Variants in FNBP1L observed in about 807,000 individuals in gnomAD.
FNBP1L encodes the protein formin-binding protein 1-like.
Under a neutral mutation model 91.2 loss-of-function variants are expected in FNBP1L, and 36 were observed. The ratio of observed to expected loss-of-function variants is 0.39; its 90% CI spans 0.30 to 0.52. The LOEUF (loss-of-function observed/expected upper bound fraction) is 0.52, where lower values mean the gene tolerates loss of function less well. FNBP1L is among the 20% of genes least tolerant of loss of function. The pLI, the probability that FNBP1L is intolerant of heterozygous loss-of-function variation, is 0.66. For synonymous variants in FNBP1L, 242 were observed against 237.0 expected, an observed-to-expected ratio of 1.02 and a Z score of -0.19; for missense variants, 571 against 732.1, an observed-to-expected ratio of 0.78 and a Z score of 2.54.
intron 6 of FNBP1L, among the ~76,000 whole-genome samples, 195 bp from the exon 7 acceptor site, chr1:93,530,560 G>C (rs1235235172): frequency 6.6e-6 from 1 of 151,846 alleles, no homozygotes; most frequent in African/African-American, 2.4e-5. Flanking sequence ...CTGACAGTAA[G>C]ATCTGCAGGT....
chr1:93,506,060 A>C (rs1407498913), intron 2 of FNBP1L, among the ~76,000 whole-genome samples: 1 of 152,156 alleles, frequency 6.6e-6, no homozygotes. Context: ...AAGTGATGGA[A>C]CTCCAGCTTG....
intron 1 of FNBP1L, among the ~76,000 whole-genome samples, chr1:93,484,374 A>G (rs968276140): frequency 6.6e-6 from 1 of 152,236 alleles, no homozygotes; most frequent in Non-Finnish European, 1.5e-5. Context: ...AGAAAGGGAA[A>G]AGGGGAAAAC....
chr1:93,520,871 A>C (rs530897056), intron 2 of FNBP1L, among the ~76,000 whole-genome samples: 2 of 152,036 alleles, frequency 1.3e-5, no homozygotes, highest in African/African-American at 4.8e-5. Flanking sequence ...GTGAAACCCT[A>C]TCTCTACTAA....
chr1:93,514,538 C>G (rs564480798), intron 2 of FNBP1L, among the ~76,000 whole-genome samples: 48 of 152,202 alleles, frequency 3.2e-4, no homozygotes, highest in Middle Eastern at 6.8e-3. Context: ...CTACAGTAAC[C>G]AAAACAGCAT....
chr1:93,535,690 C>A (rs1671824486), intron 9 of FNBP1L, among the ~76,000 whole-genome samples: 2 of 151,746 alleles, frequency 1.3e-5, no homozygotes, highest in Non-Finnish European at 2.9e-5. Flanking sequence ...TTTAAAAGCA[C>A]AATTATAATT....
chr1:93,517,382 G>C (rs1671165131), intron 2 of FNBP1L, among the ~76,000 whole-genome samples: 1 of 152,004 alleles, frequency 6.6e-6, no homozygotes, highest in African/African-American at 2.4e-5. Context: ...CTGGAGTGCA[G>C]TGGCAACGAT....
At chr1:93,474,231 A>C (rs1387945067) in intron 1 of FNBP1L, among the ~76,000 whole-genome samples, 1 of 152,088 alleles carries the variant, frequency 6.6e-6, no homozygotes, top group East Asian at 1.9e-4. Context: ...TGACAAAGTG[A>C]GACTCCGTCT....
intron 3 of FNBP1L, 118 bp downstream of exon 3, chr1:93,522,253 AAATT>A (rs1476728764): frequency 3.5e-5 from 15 of 428,468 alleles, no homozygotes; most frequent in Non-Finnish European, 4.8e-5. Context: ...TTTAATTTAA[AAATT>A]AATGTTTATG....
chr1:93,454,168 A>T (rs1668581999), intron 1 of FNBP1L, among the ~76,000 whole-genome samples: 1 of 152,172 alleles, frequency 6.6e-6, no homozygotes, highest in African/African-American at 2.4e-5. Context: ...TAGGGTCTTT[A>T]ATAAATGTTT....
intron 7 of FNBP1L, among the ~76,000 whole-genome samples, chr1:93,532,358 T>C (rs935819324): frequency 6.6e-6 from 1 of 151,594 alleles, no homozygotes; most frequent in African/African-American, 2.4e-5. Flanking sequence ...TCCCAGCTAC[T>C]TGAGAGACCG....
intron 1 of FNBP1L, among the ~76,000 whole-genome samples, chr1:93,477,634 G>A (rs1049755969): frequency 9.2e-5 from 14 of 152,104 alleles, no homozygotes; most frequent in African/African-American, 2.9e-4. Context: ...AGAAAATGAA[G>A]AATGCTCTAA....
chr1:93,512,974 G>C (rs990489433), intron 2 of FNBP1L, among the ~76,000 whole-genome samples: 2 of 152,058 alleles, frequency 1.3e-5, no homozygotes, highest in African/African-American at 4.8e-5. Flanking sequence ...AAAAATTAAT[G>C]AATCCAGGAG....
intron 2 of FNBP1L, among the ~76,000 whole-genome samples, chr1:93,509,868 T>A (rs1411484515): frequency 6.6e-6 from 1 of 152,094 alleles, no homozygotes; most frequent in Non-Finnish European, 1.5e-5. Context: ...TCTGGAAAAT[T>A]GGGTCACTCC....
At chr1:93,497,940 G>C (rs1670321888) in intron 1 of FNBP1L, among the ~76,000 whole-genome samples, 1 of 150,750 alleles carries the variant, frequency 6.6e-6, no homozygotes, top group African/African-American at 2.4e-5. Context: ...AAAAGTCATT[G>C]CTCAAAGGCT....
intron 10 of FNBP1L, among the ~76,000 whole-genome samples, chr1:93,540,504 T>G (rs1387626719): frequency 6.6e-6 from 1 of 152,132 alleles, no homozygotes; most frequent in Non-Finnish European, 1.5e-5. Flanking sequence ...TTAAAAGATT[T>G]TAAAATGAAA....
chr1:93,540,940 T>G (rs1672025085), intron 10 of FNBP1L, 102 bp from the exon 11 acceptor site: 2 of 1,040,570 alleles, frequency 1.9e-6, no homozygotes, highest in Non-Finnish European at 2.8e-6. Context: ...TGTACGTGAT[T>G]TATTTTAGTA....
At chr1:93,473,141 T>C (rs1163031590) in intron 1 of FNBP1L, among the ~76,000 whole-genome samples, 1 of 152,154 alleles carries the variant, frequency 6.6e-6, no homozygotes, top group Non-Finnish European at 1.5e-5. Context: ...TTCATCTCTT[T>C]TATAATTATT....
In FNBP1L at chr1:93,522,115, A is replaced by T. The variant is rs539979271; in HGVS notation, c.174A>T (p.Ser58=). 4 of 1,516,456 alleles carry T rather than the reference A, an allele frequency of 2.6e-6. No individual in the cohort carries two copies. The highest frequency in any genetic ancestry group is 1.4e-5 in the South Asian group (1 of 71,854). The allele number at this position is 1,516,456 out of a possible 1,614,324, so 93.9% of individuals were successfully genotyped here. A position where few individuals can be genotyped will look rare whatever the true frequency, so the allele number is the denominator to read the frequency against. Reference sequence around the variant, plus strand: ...TTAAGAAGTACTGCCCCAAACGTTCATCCAAAGATGAAGAGCCACGGTAAA... The same window carrying T: ...TTAAGAAGTACTGCCCCAAACGTTCTTCCAAAGATGAAGAGCCACGGTAAA... ...NLVKKYCPKR[S]SKDEEPRFTS... The change falls in exon 3 of 17, where the codon TCA becomes TCT. Residue 58 remains serine (S), a synonymous_variant. Transcript: ENST00000271234.
intron 1 of FNBP1L, among the ~76,000 whole-genome samples, chr1:93,462,667 A>G (rs1668913429): frequency 6.6e-6 from 1 of 152,126 alleles, no homozygotes; most frequent in Admixed American, 6.5e-5. Context: ...TCATGATTAG[A>G]CTGGAGTTAA....
Sources: gnomAD v4.1 joint callset for allele counts (sites outside exome capture counted in the v4.1 genomes callset) on GRCh38, gnomAD v4.1.1 for gene constraint, MANE v1.5 for transcripts, NCBI Gene and HGNC (gene_info 2026-07-23, HGNC 2026-07-21) for gene names.